The following EPB41L4A variants were observed in gnomAD, a reference collection of about 807,000 sequenced individuals.
EPB41L4A encodes the protein band 4.1-like protein 4A.
A neutral mutation model predicts 108.6 loss-of-function variants in EPB41L4A; 100 were observed. The ratio of observed to expected loss-of-function variants is 0.92; its 90% CI spans 0.78 to 1.09. EPB41L4A has a LOEUF of 1.09. Among genes scored for constraint, EPB41L4A ranks in the 50% least tolerant of loss-of-function variants. The probability of loss-of-function intolerance (pLI) is 0.00; values close to 1 mark genes in which losing one functional copy is unlikely to be tolerated. For synonymous variants in EPB41L4A, 319 were observed against 289.0 expected, an observed-to-expected ratio of 1.10 and a Z score of -1.05; for missense variants, 1,030 against 842.7, an observed-to-expected ratio of 1.22 and a Z score of -2.75.
intron 9 of EPB41L4A, chr5:112,250,657 A>C (rs1488163971): frequency 6.6e-6 from 1 of 152,148 alleles, no homozygotes; most frequent in African/African-American, 2.4e-5. Context: ...ATGTGTTTCA[A>C]TTATGGACAA....
chr5:112,281,029 T>C (rs1018542183), intron 2 of EPB41L4A, among the ~76,000 whole-genome samples: 5 of 152,200 alleles, frequency 3.3e-5, no homozygotes, highest in East Asian at 1.9e-4. Context: ...GGCAGACCCA[T>C]AGAGAGTCTG....
Position 112,269,405 on chromosome 5 carries a change from G to A in EPB41L4A, c.336-3075C>T, listed in dbSNP as rs533164935. Among the ~76,000 whole-genome samples, 37 of 152,100 alleles carry A rather than the reference G, an allele frequency of 2.4e-4. No individual in the cohort carries two copies. In the South Asian group the frequency reaches 2.7e-3, roughly 11 times the overall value. ...TTTCATATGTTAAACATTTTATAGC[G>A]TCTCAGGGCCTATTTTAAAGTAACT... On this transcript the variant is annotated intron_variant, in intron 4 of 22. Coordinates refer to ENST00000261486, the MANE Select transcript of EPB41L4A (RefSeq NM_022140.5).
intron 12 of EPB41L4A, among the ~76,000 whole-genome samples, chr5:112,148,502 T>G (rs1416295834): frequency 6.6e-6 from 1 of 151,980 alleles, no homozygotes; most frequent in Non-Finnish European, 1.5e-5. Flanking sequence ...ATTTTCTTAT[T>G]CCATTTTTTT....
chr5:112,168,879 G>A (rs1369554686), intron 21 of EPB41L4A, 59 bp from the exon 22 acceptor site: 34 of 1,535,718 alleles, frequency 2.2e-5, no homozygotes, highest in Non-Finnish European at 2.8e-5. Context: ...CATAAATTAA[G>A]TTGGAAGAGA....
chr5:112,194,909 C>G (rs946948173), intron 16 of EPB41L4A, among the ~76,000 whole-genome samples: 3 of 151,956 alleles, frequency 2.0e-5, no homozygotes, highest in Non-Finnish European at 4.4e-5. Context: ...CAGAACGGAC[C>G]GCAAAATCAA....
chr5:112,243,739 A>G (rs1286979768), intron 9 of EPB41L4A, among the ~76,000 whole-genome samples: 1 of 152,018 alleles, frequency 6.6e-6, no homozygotes, highest in Non-Finnish European at 1.5e-5. Flanking sequence ...TAATGAACCA[A>G]CCTCTGCTAG....
chr5:112,322,714 A>ACACACACACACACTCACACACACACCC (rs1755879278), intron 1 of EPB41L4A, among the ~76,000 whole-genome samples: 1 of 151,488 alleles, frequency 6.6e-6, no homozygotes, highest in South Asian at 2.1e-4. Flanking sequence ...ACACACACAC[A>ACACACACACACACTCACACACACACCC]CACACACACA....
At chr5:112,244,623 C>T (rs1453793935) in intron 9 of EPB41L4A, among the ~76,000 whole-genome samples, 1 of 152,070 alleles carries the variant, frequency 6.6e-6, no homozygotes, top group Non-Finnish European at 1.5e-5. Context: ...ACATAGTGTG[C>T]GGGGAAGGCT....
intron 1 of EPB41L4A, among the ~76,000 whole-genome samples, chr5:112,370,123 C>A (rs1043643050): frequency 1.8e-4 from 27 of 152,082 alleles, no homozygotes; most frequent in African/African-American, 5.8e-4. Context: ...CTCCCGGGCA[C>A]AAGCAATCTT....
At chr5:112,319,409 T>G (rs956040989) in intron 1 of EPB41L4A, among the ~76,000 whole-genome samples, 1 of 152,164 alleles carries the variant, frequency 6.6e-6, no homozygotes, top group Non-Finnish European at 1.5e-5. Context: ...GTAGAAGGAA[T>G]GACAGAATAA....
intron 9 of EPB41L4A, among the ~76,000 whole-genome samples, chr5:112,245,461 T>C (rs573148075): frequency 2.0e-5 from 3 of 152,332 alleles, no homozygotes; most frequent in East Asian, 3.9e-4. Context: ...CTTAGGAGTT[T>C]ATTTGTAAGA....
At chr5:112,201,284 C>T (rs529707333) in intron 15 of EPB41L4A, among the ~76,000 whole-genome samples, 1 of 152,258 alleles carries the variant, frequency 6.6e-6, no homozygotes, top group Non-Finnish European at 1.5e-5. Flanking sequence ...GATCCTCTTC[C>T]CAGCAAATTT....
Position 112,147,734 on chromosome 5 carries a change from A to G in EPB41L4A, n.995-1736T>C, listed in dbSNP as rs1015625877. ...ACACCCCCAAAATAAGAAAAAAATG[A>G]ATGAAAAAGACAAGGCCTTTCCAAA... On this transcript the variant is annotated intron_variant and non_coding_transcript_variant, in intron 12 of 13. Transcript: ENST00000507810. Among the ~76,000 whole-genome samples, 3 of 151,912 alleles carry G rather than the reference A, an allele frequency of 2.0e-5. No individual in the cohort carries two copies. In the East Asian group the frequency reaches 5.8e-4, roughly 30 times the overall value.
At chr5:112,201,887 G>C (rs1762239355) in intron 15 of EPB41L4A, among the ~76,000 whole-genome samples, 1 of 152,140 alleles carries the variant, frequency 6.6e-6, no homozygotes, top group South Asian at 2.1e-4. Context: ...CAGAGGACAA[G>C]CTACCATCAT....
At chr5:112,383,755 C>G (rs1183731669) in intron 1 of EPB41L4A, among the ~76,000 whole-genome samples, 2 of 151,900 alleles carry the variant, frequency 1.3e-5, no homozygotes, top group Non-Finnish European at 2.9e-5. Context: ...GGGGGAAAAG[C>G]TGAAATAAAT....
chr5:112,351,884 GAAAGA>G (rs1758065601), intron 1 of EPB41L4A, among the ~76,000 whole-genome samples: 1 of 152,142 alleles, frequency 6.6e-6, no homozygotes, highest in African/African-American at 2.4e-5. Flanking sequence ...TCAACAGAAT[GAAAGA>G]AAAGAACCAT....
intron 12 of EPB41L4A, among the ~76,000 whole-genome samples, chr5:112,227,702 C>G (rs1459384620): frequency 3.3e-5 from 5 of 152,226 alleles, no homozygotes; most frequent in Admixed American, 1.3e-4. Flanking sequence ...CACTGAGGTT[C>G]TGCTGACTTG....
intron 2 of EPB41L4A, among the ~76,000 whole-genome samples, chr5:112,293,103 T>C (rs1237183561): frequency 6.6e-6 from 1 of 152,218 alleles, no homozygotes; most frequent in Non-Finnish European, 1.5e-5. Context: ...TATATGGATA[T>C]ATGGATATAT....
Position 112,182,735 on chromosome 5 carries a change from C to T in EPB41L4A, c.1622+1281G>A, listed in dbSNP as rs1467236780. Among the ~76,000 whole-genome samples, 10 of 152,014 alleles carry T rather than the reference C, an allele frequency of 6.6e-5. No homozygotes were observed. In the South Asian group the frequency reaches 1.5e-3, roughly 22 times the overall value. On this transcript the variant is annotated intron_variant, in intron 18 of 22. Coordinates refer to ENST00000261486, the MANE Select transcript of EPB41L4A (RefSeq NM_022140.5). ...ACGCTGTATCTAATCTTGGGTTCTG[C>T]ACCTTTTGGGTAAAGTCCTTCAGTG...
Sources: allele counts gnomAD v4.1 joint callset (sites outside exome capture counted in the v4.1 genomes callset), GRCh38; gene constraint gnomAD v4.1.1; transcripts MANE v1.5; gene names NCBI Gene and HGNC (gene_info 2026-07-23, HGNC 2026-07-21).